Variants in TTC8 observed in about 807,000 individuals in gnomAD.
The protein encoded by TTC8 is tetratricopeptide repeat domain 8, also known as tetratricopeptide repeat protein 8.
TTC8 carries 47 observed loss-of-function variants against 72.5 expected under a neutral mutation model. That is an observed-to-expected ratio of 0.65 (90% confidence interval 0.51 to 0.83). The LOEUF (loss-of-function observed/expected upper bound fraction) is 0.83. TTC8 is among the 40% of genes least tolerant of loss of function. The pLI is 0.00. For synonymous variants in TTC8, 199 were observed against 221.4 expected (o/e 0.90, Z 0.90); for missense variants, 611 against 623.2 (o/e 0.98, Z 0.21).
intron 10 of TTC8, among the ~76,000 whole-genome samples, chr14:88,864,577 G>A (rs1238038087): frequency 6.6e-6 from 1 of 152,210 alleles, no homozygotes; most frequent in Non-Finnish European, 1.5e-5. Context: ...AGTAGCTCTG[G>A]AGTGGATTCC....
Position 88,871,409 on chromosome 14 carries a change from A to T in TTC8, c.1050-140A>T. On this transcript the variant is annotated intron_variant, in intron 11 of 14. Coordinates refer to ENST00000380656, the MANE Select transcript of TTC8 (RefSeq NM_144596.4). This position sits in a 1 kb window ranked among gnomAD's most constrained non-coding sequence, Gnocchi z 4.1. The stretch of plus-strand genomic sequence containing the variant: ...TGCTTTAAACATTTTTTCATTTACT[A>T]TAACACGTATTTATATTCTTAAGGA... 2.6e-6 allele frequency: 2 copies of T among 764,708 alleles called. No homozygotes were observed. The highest frequency in any genetic ancestry group is 4.7e-5 in the Admixed American group (2 of 42,518). 47.4% of individuals were successfully genotyped at this position (764,708 alleles called of 1,614,324 possible). A position where few individuals can be genotyped will look rare whatever the true frequency, so the allele number is the denominator to read the frequency against.
rs979954290 is a variant in TTC8, at chr14:88,870,169, T to G, written c.1020T>G (p.Asp340Glu). The G allele has an allele frequency of 6.2e-7, 1 of 1,614,152 alleles. No homozygotes were observed. Among genetic ancestry groups the G allele is most frequent in the East Asian group, 2.2e-5 (1 of 44,866 alleles). ...ACIGSNHFYS[D>E]QPEIALRFYR... ...TTGGAAGCAACCACTTCTATTCTGA[T>G]CAGCCAGAAATAGCTCTCCGGTTTT... Residue 340 changes from aspartate (D) to glutamate (E), a missense_variant, in exon 11 of 15, where the codon GAT becomes GAG. Asp to Glu is a conservative substitution (Grantham distance 45). Transcript: ENST00000380656.
chr14:88,841,087 C>T lies in TTC8; in HGVS notation c.380C>T (p.Thr127Met), dbSNP rs369803125. The change falls in exon 5 of 15, where the codon ACG becomes ATG. Residue 127 changes from threonine to methionine, a missense_variant. Thr to Met is a moderately conservative substitution (Grantham distance 81, BLOSUM62 -1). Transcript: ENST00000380656. Reference protein sequence around the residue: ...RPITGFLRPSTQSGRPGTMEQ... With the variant: ...RPITGFLRPSMQSGRPGTMEQ... The stretch of plus-strand genomic sequence containing the variant: ...ATTACAGGTTTCCTCAGGCCCAGCA[C>T]GCAGAGTGGAAGGCCAGGCACTATG... The T allele has an allele frequency of 1.4e-5, 23 of 1,613,988 alleles. No homozygotes were observed. Among genetic ancestry groups the T allele is most frequent in the African/African-American group, 5.3e-5 (4 of 74,894 alleles).
chr14:88,863,306 C>A (rs2094896636), intron 10 of TTC8, among the ~76,000 whole-genome samples: 1 of 152,108 alleles, frequency 6.6e-6, no homozygotes, highest in Non-Finnish European at 1.5e-5. Context: ...GGATACAAAG[C>A]AAAATTAGTA....
At chr14:88,857,419 G>A in intron 9 of TTC8, 142 bp downstream of exon 9, 21 of 760,024 alleles carry the variant, frequency 2.8e-5, no homozygotes, top group Admixed American at 1.0e-4. Flanking sequence ...TTTCTTTACA[G>A]CAAGGGAAAA....
At chr14:88,850,412 G>A (rs1418873715) in intron 7 of TTC8, among the ~76,000 whole-genome samples, 1 of 152,222 alleles carries the variant, frequency 6.6e-6, no homozygotes, top group Non-Finnish European at 1.5e-5. Context: ...AGATGGGCCA[G>A]GAATGGTGGC....
intron 1 of TTC8, among the ~76,000 whole-genome samples, chr14:88,830,329 A>G (rs1189497362): frequency 6.6e-6 from 1 of 152,182 alleles, no homozygotes; most frequent in Non-Finnish European, 1.5e-5. Flanking sequence ...GTGGCACTCT[A>G]CTTTCCATGT....
At chr14:88,869,314 T>C (rs1382716889) in intron 10 of TTC8, among the ~76,000 whole-genome samples, 1 of 152,178 alleles carries the variant, frequency 6.6e-6, no homozygotes, top group Non-Finnish European at 1.5e-5. Context: ...AGAAGGTTTA[T>C]TTAGTTTTTC....
chr14:88,833,466 G>T (rs1236343585), intron 1 of TTC8, among the ~76,000 whole-genome samples: 1 of 152,068 alleles, frequency 6.6e-6, no homozygotes, highest in Non-Finnish European at 1.5e-5. Context: ...TTTGAATGAG[G>T]TTAGATTAAT....
At position 88,824,672 on chromosome 14, in the gene TTC8, T is replaced by A. The variant is rs761556277; in HGVS notation, c.-36T>A. ...CTTCACTCCACGCCCACCTCTCTCC[T>A]GGAGCGCTGGGCCTTCGCTGGCCGC... On this transcript the variant is annotated 5_prime_UTR_variant, in exon 1 of 15. Transcript: ENST00000380656. 2.0e-5 allele frequency: 30 copies of A among 1,536,324 alleles called. No individual in the cohort carries two copies. In the East Asian group the frequency reaches 2.4e-4, roughly 12 times the overall value.
At position 88,871,247 on chromosome 14, in the gene TTC8, C is replaced by T. The variant is rs142382908; in HGVS notation, c.1050-302C>T. Among the ~76,000 whole-genome samples the T allele has an allele frequency of 3.5e-3, 537 of 152,256 alleles. 6 individuals carry two copies. Among genetic ancestry groups the T allele is most frequent in the African/African-American group, 0.012 (516 of 41,548 alleles). On this transcript the variant is annotated intron_variant, in intron 11 of 14. Transcript: ENST00000380656. This position sits in a 1 kb window ranked among gnomAD's most constrained non-coding sequence, Gnocchi z 4.1. ...GCTTTATAAAGCTGAAGTGTGTGGG[C>T]GTTACTTTTTGTGACTATTTCTTAT...
In TTC8 at chr14:88,852,958, A is replaced by G; in HGVS notation, c.625-13A>G. On this transcript the variant is annotated splice_polypyrimidine_tract_variant and intron_variant, in intron 7 of 14. Coordinates refer to ENST00000380656, the MANE Select transcript of TTC8 (RefSeq NM_144596.4). ...AAAAGAAAATACTAATCTAAAATGA[A>G]TTGTTTTCAAAGGCTTTGGATCTGG... is the stretch of plus-strand genomic sequence containing the variant. The G allele has an allele frequency of 1.2e-6, 2 of 1,609,062 alleles. No individual in the cohort carries two copies. Among genetic ancestry groups the G allele is most frequent in the Non-Finnish European group, 1.7e-6 (2 of 1,175,740 alleles).
intron 2 of TTC8, chr14:88,834,009 G>A (rs1030782619): frequency 1.2e-5 from 5 of 432,222 alleles, no homozygotes; most frequent in African/African-American, 1.0e-4. Context: ...AAATAAAGAA[G>A]GAGGTGAGGG....
chr14:88,842,299 T>C (rs2094785382), intron 6 of TTC8, among the ~76,000 whole-genome samples: 1 of 152,178 alleles, frequency 6.6e-6, no homozygotes, highest in African/African-American at 2.4e-5. Flanking sequence ...CGTATGTGTT[T>C]ACTAAATACC....
Position 88,875,033 on chromosome 14 carries a change from CA to C in TTC8, c.1356del (p.Leu453TyrfsTer8). 6.2e-7 allele frequency: 1 copy of C among 1,611,716 alleles called. No individual in the cohort carries two copies. The highest frequency in any genetic ancestry group is 8.5e-7 in the Non-Finnish European group (1 of 1,179,112). Reference protein sequence around the residue: ...MRKGHVEQARALLQTASSLAP... With the variant: ...MRKGHVEQARXLLQTASSLAP... ...CTTTATTTTTATACACAGGCAAGGG[CA>C]CTATTACAAACTGCATCATCATTAG... On this transcript the variant is annotated frameshift_variant, in exon 14 of 15. Transcript: ENST00000380656. LOFTEE classifies it high-confidence loss of function.
At chr14:88,835,558 T>G (rs2094746668) in intron 2 of TTC8, among the ~76,000 whole-genome samples, 1 of 152,218 alleles carries the variant, frequency 6.6e-6, no homozygotes. Context: ...ATTCTTATTT[T>G]TATTGATATT....
At chr14:88,864,316 A>C (rs1020354023) in intron 10 of TTC8, among the ~76,000 whole-genome samples, 7 of 152,254 alleles carry the variant, frequency 4.6e-5, no homozygotes, top group Non-Finnish European at 8.8e-5. Context: ...AGTATGAATA[A>C]AACTTTGACC....
At chr14:88,880,102 A>G (rs1275358646), downstream of TTC8, 1 of 152,186 alleles carries the variant, frequency 6.6e-6, no homozygotes, top group Non-Finnish European at 1.5e-5. Context: ...GGCAGGACTA[A>G]ACCTTAGAAA....
intron 14 of TTC8, among the ~76,000 whole-genome samples, chr14:88,875,361 A>G (rs2094953145): frequency 6.6e-6 from 1 of 152,186 alleles, no homozygotes; most frequent in African/African-American, 2.4e-5. Context: ...GAAATATGGC[A>G]TTTAGTCATT....
Sources: gnomAD v4.1 joint callset for allele counts (sites outside exome capture counted in the v4.1 genomes callset) on GRCh38, gnomAD v4.1.1 for gene constraint, Gnocchi (gnomAD v3.1) non-coding constraint, MANE v1.5 for transcripts, NCBI Gene and HGNC (gene_info 2026-07-23, HGNC 2026-07-21) for gene names.